DEPDC1B: variants seen among roughly 807,000 people sequenced by gnomAD.
DEPDC1B encodes the protein DEP domain containing 1B, also known as DEP domain-containing protein 1B.
DEPDC1B carries 51 observed loss-of-function variants against 66.5 expected under a neutral mutation model. The observed-to-expected ratio is 0.77, with a 90% CI of 0.61 to 0.97. The LOEUF is 0.97. Among genes scored for constraint, DEPDC1B ranks in the 50% least tolerant of loss-of-function variants. The probability of loss-of-function intolerance (pLI) is 0.00; values close to 1 mark genes in which losing one functional copy is unlikely to be tolerated. For synonymous variants in DEPDC1B, 226 were observed against 223.6 expected, an observed-to-expected ratio of 1.01 and a Z score of -0.10; for missense variants, 552 against 637.1, an observed-to-expected ratio of 0.87 and a Z score of 1.44.
intron 7 of DEPDC1B, among the ~76,000 whole-genome samples, chr5:60,622,379 C>T (rs1316243578): frequency 1.3e-5 from 2 of 152,090 alleles, no homozygotes; most frequent in African/African-American, 4.8e-5. Flanking sequence ...GTTGTATGTA[C>T]CCATAGTTTA....
chr5:60,616,778 T>C (rs183766306), intron 7 of DEPDC1B, among the ~76,000 whole-genome samples: 72 of 152,154 alleles, frequency 4.7e-4, no homozygotes, highest in Admixed American at 2.9e-3. Context: ...ATTCAGGAAA[T>C]ACAGAGAACG....
chr5:60,693,698 T>C (rs1158426321), intron 1 of DEPDC1B, among the ~76,000 whole-genome samples: 1 of 152,144 alleles, frequency 6.6e-6, no homozygotes, highest in Admixed American at 6.5e-5. Flanking sequence ...CTTCAAGTAG[T>C]CATTTCACTA....
At position 60,601,593 on chromosome 5, in the gene DEPDC1B, T is replaced by G. The variant is rs75629467; in HGVS notation, c.1242+1798A>C. Among the ~76,000 whole-genome samples, 103 of 152,306 alleles carry G rather than the reference T, an allele frequency of 6.8e-4. 2 individuals are homozygous for G. The East Asian group carries it at 0.019, about 29-fold the overall frequency. On this transcript the variant is annotated intron_variant, in intron 9 of 10. Coordinates refer to ENST00000265036, the MANE Select transcript of DEPDC1B (RefSeq NM_018369.3). The stretch of plus-strand genomic sequence containing the variant: ...CAAAAAAAATCTACCTTTAAAAATA[T>G]TTACTGCTATATTGCTTCCAAAATG...
chr5:60,619,217 G>A (rs1752642402), intron 7 of DEPDC1B, among the ~76,000 whole-genome samples: 2 of 152,168 alleles, frequency 1.3e-5, no homozygotes, highest in Admixed American at 6.5e-5. Context: ...CATTCCCTTT[G>A]AAAACTGGCA....
At chr5:60,672,468 G>A (rs1333523128) in intron 2 of DEPDC1B, among the ~76,000 whole-genome samples, 1 of 152,126 alleles carries the variant, frequency 6.6e-6, no homozygotes, top group Non-Finnish European at 1.5e-5. Context: ...GAGCGCAAAG[G>A]GGAAAGTGCC....
chr5:60,623,153 A>G (rs1227365372), intron 7 of DEPDC1B, among the ~76,000 whole-genome samples: 1 of 152,164 alleles, frequency 6.6e-6, no homozygotes, highest in Non-Finnish European at 1.5e-5. Flanking sequence ...AGTCCAAAGT[A>G]AAATTTGAGT....
At chr5:60,671,773 T>C (rs1754045865) in intron 2 of DEPDC1B, among the ~76,000 whole-genome samples, 1 of 152,244 alleles carries the variant, frequency 6.6e-6, no homozygotes, top group South Asian at 2.1e-4. Flanking sequence ...CCTGAATTAA[T>C]GGAGTCTCCT....
intron 7 of DEPDC1B, among the ~76,000 whole-genome samples, chr5:60,607,642 T>C (rs1307689581): frequency 6.6e-6 from 1 of 151,708 alleles, no homozygotes; most frequent in Non-Finnish European, 1.5e-5. Context: ...TGGAGAAAAA[T>C]ACACTGGAGA....
chr5:60,660,673 T>C (rs1361035102), intron 2 of DEPDC1B, among the ~76,000 whole-genome samples: 1 of 152,198 alleles, frequency 6.6e-6, no homozygotes, highest in Non-Finnish European at 1.5e-5. Context: ...AGAACTATCC[T>C]AAGTCAAAAA....
At chr5:60,688,458 A>G (rs1035303803) in intron 1 of DEPDC1B, among the ~76,000 whole-genome samples, 1 of 152,142 alleles carries the variant, frequency 6.6e-6, no homozygotes, top group African/African-American at 2.4e-5. Context: ...ACAAGCCTCC[A>G]TTACTCCCGG....
At chr5:60,664,316 T>C (rs971904431) in intron 2 of DEPDC1B, among the ~76,000 whole-genome samples, 5 of 152,336 alleles carry the variant, frequency 3.3e-5, no homozygotes, top group African/African-American at 1.2e-4. Flanking sequence ...GTGGCAGCAG[T>C]AGCAGTCTTA....
intron 7 of DEPDC1B, among the ~76,000 whole-genome samples, chr5:60,617,624 C>T (rs558443952): frequency 7.2e-5 from 11 of 152,242 alleles, no homozygotes; most frequent in African/African-American, 2.6e-4. Flanking sequence ...ACAGGAGCAG[C>T]CAGATTCATA....
At chr5:60,602,554 C>T (rs188624044) in intron 9 of DEPDC1B, among the ~76,000 whole-genome samples, 98 of 152,130 alleles carry the variant, frequency 6.4e-4, no homozygotes, top group African/African-American at 2.2e-3. Context: ...CTGCCTTTAC[C>T]AGGTTTCTGC....
chr5:60,635,464 A>G (rs1436836449), intron 7 of DEPDC1B, among the ~76,000 whole-genome samples: 1 of 152,218 alleles, frequency 6.6e-6, no homozygotes, highest in Non-Finnish European at 1.5e-5. Context: ...TGTCTATGGC[A>G]TTTTCTATAT....
chr5:60,671,354 A>C (rs892132571), intron 2 of DEPDC1B, among the ~76,000 whole-genome samples: 1 of 152,336 alleles, frequency 6.6e-6, no homozygotes, highest in Admixed American at 6.5e-5. Context: ...TGCTGGCCAC[A>C]GGGGTGCACA....
Position 60,647,514 on chromosome 5 carries a change from G to T in DEPDC1B, c.334C>A (p.Leu112Met), listed in dbSNP as rs201094770. ...GGGGGCTTCTTTGGATATGGTTTCA[G>T]GGGTGAAGAAGGAGGAAATCTAAAA... ...HLYRFPPSSPLKPYPKKPPNQ... is the reference protein window; with the variant it reads ...HLYRFPPSSPMKPYPKKPPNQ... The change falls in exon 3 of 11, where the codon CTG (leucine) becomes ATG (methionine). Residue 112 changes from leucine to methionine, a missense_variant. Leu to Met is a conservative substitution (Grantham distance 15). Coordinates refer to ENST00000265036, the MANE Select transcript of DEPDC1B (RefSeq NM_018369.3). 319 of 1,611,958 alleles carry T rather than the reference G, an allele frequency of 2.0e-4. No individual in the cohort carries two copies. Among genetic ancestry groups the T allele is most frequent in the Non-Finnish European group, 2.0e-4 (233 of 1,179,410 alleles).
chr5:60,687,265 TG>T, intron 1 of DEPDC1B, 38 bp from the exon 2 acceptor site: 1 of 1,565,066 alleles, frequency 6.4e-7, no homozygotes, highest in Non-Finnish European at 8.7e-7. Context: ...AGTAATCAAC[TG>T]ATTTTTTTAA....
At position 60,618,509 on chromosome 5, in the gene DEPDC1B, C is replaced by A. The variant is rs552160825; in HGVS notation, c.899-12653G>T. On this transcript the variant is annotated intron_variant, in intron 7 of 10. Coordinates refer to ENST00000265036, the MANE Select transcript of DEPDC1B (RefSeq NM_018369.3). ...CTACCATCAGAGAATACTATAAACA[C>A]CTCTATGAAAATGAACTAGAAAATC... Among the ~76,000 whole-genome samples the A allele has an allele frequency of 4.3e-4, 66 of 152,274 alleles. 1 individual carries two copies. The highest frequency in any genetic ancestry group is 4.2e-3 in the Admixed American group (64 of 15,302).
chr5:60,696,013 G>T (rs1754646226), intron 1 of DEPDC1B, among the ~76,000 whole-genome samples: 1 of 152,140 alleles, frequency 6.6e-6, no homozygotes, highest in Admixed American at 6.5e-5. Context: ...TGGCCAGGAT[G>T]GTCTTGATCT....
Sources: allele counts gnomAD v4.1 joint callset (sites outside exome capture counted in the v4.1 genomes callset), GRCh38; gene constraint gnomAD v4.1.1; transcripts MANE v1.5; gene names NCBI Gene and HGNC (gene_info 2026-07-23, HGNC 2026-07-21).